The following MTA3 variants were observed in gnomAD, a reference collection of about 807,000 sequenced individuals.
MTA3 encodes metastasis associated 1 family member 3, also known as metastasis-associated protein MTA3.
A neutral mutation model predicts 83.5 loss-of-function variants in MTA3; 34 were observed. That is an observed-to-expected ratio of 0.41 (90% CI 0.31 to 0.54). MTA3 has a LOEUF of 0.54. Among genes scored for constraint, MTA3 ranks in the 20% least tolerant of loss-of-function variants. MTA3 has a pLI of 0.33. For synonymous variants in MTA3, 303 were observed against 252.7 expected (o/e 1.20, Z -1.89); for missense variants, 761 against 726.4 (o/e 1.05, Z -0.55).
chr2:42,521,551 A>C (rs188537342), intron 2 of MTA3, among the ~76,000 whole-genome samples: 1 of 152,274 alleles, frequency 6.6e-6, no homozygotes, highest in East Asian at 1.9e-4. Context: ...AACTCAAACT[A>C]GTTGTAGTAC....
At chr2:42,684,673 A>G (rs565403598) in intron 9 of MTA3, among the ~76,000 whole-genome samples, 3 of 152,344 alleles carry the variant, frequency 2.0e-5, no homozygotes, top group South Asian at 2.1e-4. Flanking sequence ...AAAAAGATAA[A>G]TAAAACCTGC....
At chr2:42,630,657 T>C (rs1356975918) in intron 4 of MTA3, among the ~76,000 whole-genome samples, 1 of 152,178 alleles carries the variant, frequency 6.6e-6, no homozygotes, top group Non-Finnish European at 1.5e-5. Context: ...ACTAATGGAT[T>C]TTTGGTTTTT....
At chr2:42,745,402 C>G (rs1176906484) in intron 16 of MTA3, among the ~76,000 whole-genome samples, 1 of 152,192 alleles carries the variant, frequency 6.6e-6, no homozygotes, top group Non-Finnish European at 1.5e-5. Flanking sequence ...ACTGAACATT[C>G]AGCAGGAAAA....
intron 8 of MTA3, 23 bp downstream of exon 8, chr2:42,659,885 G>C: frequency 6.4e-7 from 1 of 1,564,654 alleles, no homozygotes; most frequent in South Asian, 1.2e-5. Context: ...TTGAAATTTT[G>C]TGGGTATTTA....
At chr2:42,603,447 A>G (rs1194701266) in intron 3 of MTA3, among the ~76,000 whole-genome samples, 1 of 152,150 alleles carries the variant, frequency 6.6e-6, no homozygotes, top group Non-Finnish European at 1.5e-5. Flanking sequence ...ATGGACTTGG[A>G]ATTTATTACA....
At chr2:42,541,156 C>T (rs1572950895) in intron 2 of MTA3, among the ~76,000 whole-genome samples, 1 of 151,772 alleles carries the variant, frequency 6.6e-6, no homozygotes, top group East Asian at 2.0e-4. Context: ...CTCAGCCTTT[C>T]TAGTAGCTGG....
intron 8 of MTA3, among the ~76,000 whole-genome samples, chr2:42,662,990 G>T (rs1689871468): frequency 1.5e-5 from 1 of 67,548 alleles, no homozygotes; most frequent in Non-Finnish European, 2.9e-5. Flanking sequence ...CGGCCTCCCA[G>T]AGTTGCTGGG....
intron 9 of MTA3, among the ~76,000 whole-genome samples, chr2:42,686,502 C>G (rs537236991): frequency 7.0e-6 from 1 of 143,678 alleles, no homozygotes; most frequent in Non-Finnish European, 1.5e-5. Context: ...GCCTGGGCAA[C>G]ATAGTAGACT....
intron 8 of MTA3, among the ~76,000 whole-genome samples, chr2:42,676,629 TG>T (rs1461981858): frequency 6.6e-6 from 1 of 152,026 alleles, no homozygotes; most frequent in Non-Finnish European, 1.5e-5. Context: ...AGCTGGGCAT[TG>T]TGGCATGCAC....
intron 3 of MTA3, among the ~76,000 whole-genome samples, chr2:42,607,109 TAGAGGTAGGTAG>T (rs1309912426): frequency 6.7e-6 from 1 of 148,758 alleles, no homozygotes; most frequent in Non-Finnish European, 1.5e-5. Flanking sequence ...GAGGTAGAGG[TAGAGGTAGGTAG>T]AGGTAGAGGG....
At chr2:42,509,884 T>C (rs1487184759) in intron 2 of MTA3, among the ~76,000 whole-genome samples, 1 of 152,222 alleles carries the variant, frequency 6.6e-6, no homozygotes, top group Non-Finnish European at 1.5e-5. Flanking sequence ...ATACATTATA[T>C]AGTGAGGCTG....
chr2:42,587,277 A>C (rs1228462167), intron 3 of MTA3, among the ~76,000 whole-genome samples: 1 of 152,124 alleles, frequency 6.6e-6, no homozygotes, highest in Non-Finnish European at 1.5e-5. Flanking sequence ...GCGCCACTGC[A>C]CTCCAGCCCG....
chr2:42,598,171 C>G (rs1185252236), intron 3 of MTA3, among the ~76,000 whole-genome samples: 2 of 152,032 alleles, frequency 1.3e-5, no homozygotes, highest in East Asian at 1.9e-4. Context: ...CTTCTGGGTT[C>G]AAGTGATTCT....
chr2:42,706,446 A>C (rs937685390), intron 12 of MTA3, among the ~76,000 whole-genome samples: 1 of 152,250 alleles, frequency 6.6e-6, no homozygotes, highest in Non-Finnish European at 1.5e-5. Context: ...CAAAAATAAT[A>C]CATGATGGGT....
At chr2:42,615,705 T>C (rs1204595369) in intron 4 of MTA3, among the ~76,000 whole-genome samples, 1 of 127,124 alleles carries the variant, frequency 7.9e-6, no homozygotes, top group African/African-American at 3.1e-5. Context: ...ACTTGAATAA[T>C]CTCTTCTTTT....
intron 4 of MTA3, among the ~76,000 whole-genome samples, chr2:42,621,304 G>T (rs1166806794): frequency 3.9e-5 from 6 of 152,122 alleles, no homozygotes; most frequent in African/African-American, 1.4e-4. Flanking sequence ...GTGTCCCTGG[G>T]TACTTGAGAT....
intron 2 of MTA3, among the ~76,000 whole-genome samples, chr2:42,502,079 A>G (rs925804058): frequency 5.9e-5 from 9 of 152,038 alleles, no homozygotes; most frequent in Admixed American, 5.2e-4. Flanking sequence ...GGTTACAGGC[A>G]AAGTCATAAA....
At chr2:42,724,598 C>T (rs1667685073) in intron 16 of MTA3, among the ~76,000 whole-genome samples, 1 of 148,848 alleles carries the variant, frequency 6.7e-6, no homozygotes, top group Non-Finnish European at 1.5e-5. Flanking sequence ...GAGCTCTGAT[C>T]ATGCCACTGC....
chr2:42,718,918 C>T, intron 14 of MTA3, 70 bp from the exon 15 acceptor site: 1 of 1,124,154 alleles, frequency 8.9e-7, no homozygotes, highest in Admixed American at 2.1e-5. Flanking sequence ...ACCTTTATTT[C>T]TGTGGTGCAT....
Sources: gnomAD v4.1 joint callset for allele counts (sites outside exome capture counted in the v4.1 genomes callset) on GRCh38, gnomAD v4.1.1 for gene constraint, MANE v1.5 for transcripts, NCBI Gene and HGNC (gene_info 2026-07-23, HGNC 2026-07-21) for gene names.